The following SLC9C1 variants were observed in gnomAD, a reference collection of about 807,000 sequenced individuals.
SLC9C1 encodes solute carrier family 9 member C1.
SLC9C1 carries 97 observed loss-of-function variants against 140.9 expected under a neutral mutation model. The ratio of observed to expected loss-of-function variants is 0.69; its 90% CI spans 0.58 to 0.82. SLC9C1 has a LOEUF of 0.82. Ranked by LOEUF, SLC9C1 falls within the 40% of genes least tolerant of loss-of-function variation. The pLI is 0.00. For synonymous variants in SLC9C1, 440 were observed against 442.6 expected (o/e 0.99, Z 0.07); for missense variants, 1,340 against 1,389.3 (o/e 0.96, Z 0.56).
chr3:112,179,714 A>C lies in SLC9C1; in HGVS notation c.2749-13T>G. The C allele has an allele frequency of 1.9e-6, 3 of 1,565,182 alleles. No homozygotes were observed. The highest frequency in any genetic ancestry group is 2.6e-6 in the Non-Finnish European group (3 of 1,163,380). ...TTGATTTTTCAAGCTGTTCAGGAAC[A>C]AAGAAAGAGAAAAATACATATGCCA... On this transcript the variant is annotated splice_polypyrimidine_tract_variant and intron_variant, in intron 22 of 28. Transcript: ENST00000305815.
At chr3:112,172,526 T>TA (rs1179491959) in intron 23 of SLC9C1, among the ~76,000 whole-genome samples, 1 of 152,076 alleles carries the variant, frequency 6.6e-6, no homozygotes, top group Non-Finnish European at 1.5e-5. Context: ...TTGTAATTTT[T>TA]ATGTCAGTTT....
intron 15 of SLC9C1, among the ~76,000 whole-genome samples, chr3:112,210,857 G>GA (rs2078182005): frequency 1.3e-5 from 2 of 151,712 alleles, no homozygotes; most frequent in South Asian, 2.1e-4. Context: ...GTAAAGACAG[G>GA]AAAAAAACCC....
At chr3:112,180,453 G>A in intron 22 of SLC9C1, 111 bp downstream of exon 22, 1 of 709,260 alleles carries the variant, frequency 1.4e-6, no homozygotes, top group Non-Finnish European at 2.3e-6. Flanking sequence ...AACCCAGGAG[G>A]TGGAGGCTAC....
chr3:112,157,992 A>G (rs950145260), intron 26 of SLC9C1, among the ~76,000 whole-genome samples: 5 of 151,956 alleles, frequency 3.3e-5, no homozygotes, highest in East Asian at 1.9e-4. Context: ...TTCCTTTCCA[A>G]GTTGGATGCC....
chr3:112,206,380 G>C (rs574240207), intron 16 of SLC9C1, among the ~76,000 whole-genome samples: 6 of 152,228 alleles, frequency 3.9e-5, no homozygotes, highest in East Asian at 3.9e-4. Context: ...CATAGGAACA[G>C]TTTTACACTG....
intron 16 of SLC9C1, among the ~76,000 whole-genome samples, chr3:112,207,441 TGATGTCACAAAAGTA>T (rs1392760486): frequency 6.6e-6 from 1 of 152,218 alleles, no homozygotes; most frequent in Non-Finnish European, 1.5e-5. Flanking sequence ...GAATGACAGT[TGATGTCACAAAAGTA>T]GATGAGACAG....
Position 112,168,871 on chromosome 3 carries a change from C to T in SLC9C1, c.3237+6G>A, listed in dbSNP as rs1450838701. 6.4e-7 allele frequency: 1 copy of T among 1,572,702 alleles called. No homozygotes were observed. Among genetic ancestry groups the T allele is most frequent in the South Asian group, 1.2e-5 (1 of 82,022 alleles). ...GATCTGAAGACAGGAATCAATATTT[C>T]TTTACCTGATGGCATGTTATAGGAA... On this transcript the variant is annotated splice_donor_region_variant and intron_variant, in intron 25 of 28. Coordinates refer to ENST00000305815, the MANE Select transcript of SLC9C1 (RefSeq NM_183061.3).
At position 112,278,874 on chromosome 3, in the gene SLC9C1, A is replaced by AT; in HGVS notation, c.190-18dup. 6.3e-7 allele frequency: 1 copy of AT among 1,588,754 alleles called. No homozygotes were observed. Among genetic ancestry groups the AT allele is most frequent in the Non-Finnish European group, 8.5e-7 (1 of 1,171,140 alleles). On this transcript the variant is annotated splice_polypyrimidine_tract_variant and intron_variant, in intron 3 of 28. Coordinates refer to ENST00000305815, the MANE Select transcript of SLC9C1 (RefSeq NM_183061.3). The stretch of plus-strand genomic sequence containing the variant: ...TCTTTGGACCTAATATTATACAAAT[A>AT]TATCATCTTCTCATTTATTCATCAC...
intron 20 of SLC9C1, among the ~76,000 whole-genome samples, chr3:112,195,160 C>T (rs964893753): frequency 1.3e-5 from 2 of 152,042 alleles, no homozygotes; most frequent in East Asian, 3.8e-4. Context: ...TTTTATTTTG[C>T]TGCACGTGCC....
Position 112,278,779 on chromosome 3 carries a change from T to TAA in SLC9C1, c.266_267dup (p.Thr90LeufsTer21), listed in dbSNP as rs758537605. On this transcript the variant is annotated frameshift_variant, in exon 4 of 29. Transcript: ENST00000305815. LOFTEE classifies it high-confidence loss of function. ...TACGTATCCATGTCAAATGCAGTAG[T>TAA]AAAGAAAACTACTGGTGTAAATATA... 6.2e-7 allele frequency: 1 copy of TAA among 1,611,030 alleles called. No homozygotes were observed. Among genetic ancestry groups the TAA allele is most frequent in the Non-Finnish European group, 8.5e-7 (1 of 1,178,724 alleles).
chr3:112,216,031 G>A (rs1484061881), intron 15 of SLC9C1, among the ~76,000 whole-genome samples: 1 of 152,152 alleles, frequency 6.6e-6, no homozygotes, highest in African/African-American at 2.4e-5. Context: ...GAACAGAACA[G>A]AGCCCTCAGA....
At chr3:112,187,867 T>C (rs1232334868) in intron 20 of SLC9C1, among the ~76,000 whole-genome samples, 1 of 152,032 alleles carries the variant, frequency 6.6e-6, no homozygotes, top group Non-Finnish European at 1.5e-5. Context: ...AAAATGACCA[T>C]CTTATATATA....
chr3:112,231,156 TTCTTTC>T (rs376235497), intron 13 of SLC9C1, among the ~76,000 whole-genome samples, 199 bp downstream of exon 13: 30,250 of 150,696 alleles, frequency 0.2, 3,376 homozygotes, highest in Middle Eastern at 0.26. Flanking sequence ...CTTTCTTTCT[TTCTTTC>T]TCTTTCTTTC....
At chr3:112,211,029 C>G (rs1446901796) in intron 15 of SLC9C1, among the ~76,000 whole-genome samples, 1 of 151,964 alleles carries the variant, frequency 6.6e-6, no homozygotes, top group Non-Finnish European at 1.5e-5. Context: ...AGTTTGAAGG[C>G]TGATTTAGTA....
At chr3:112,158,278 A>T (rs1171758602) in intron 26 of SLC9C1, among the ~76,000 whole-genome samples, 1 of 152,076 alleles carries the variant, frequency 6.6e-6, no homozygotes, top group African/African-American at 2.4e-5. Flanking sequence ...TGAAATGATC[A>T]TAGGGTTTTC....
chr3:112,239,890 C>T lies in SLC9C1; in HGVS notation c.1396G>A (p.Ala466Thr). ...ALKFDKDLAN[A>T]DWNMIEKAIT... is the part of the protein sequence containing the mutation. ...GCTTTCTCAATCATGTTCCAATCAG[C>T]ATTAGCAAGATCTTTGTCAAATTTA... Residue 466 changes from alanine to threonine, a missense_variant, in exon 12 of 29, where the codon GCT becomes ACT. Coordinates refer to ENST00000305815, the MANE Select transcript of SLC9C1 (RefSeq NM_183061.3). 1 of 1,613,900 alleles carries T rather than the reference C, an allele frequency of 6.2e-7. No individual in the cohort carries two copies.
At chr3:112,215,954 T>C (rs1192213704) in intron 15 of SLC9C1, among the ~76,000 whole-genome samples, 3 of 152,198 alleles carry the variant, frequency 2.0e-5, no homozygotes, top group South Asian at 2.1e-4. Context: ...GACTTCAAAC[T>C]ATACTACAAG....
In SLC9C1 at chr3:112,217,599, AT is replaced by A. The variant is rs745970112; in HGVS notation, c.1671-39del. 2.6e-6 allele frequency: 4 copies of A among 1,528,868 alleles called. No homozygotes were observed. The East Asian group carries it at 6.9e-5, about 26-fold the overall frequency. 94.7% of individuals were successfully genotyped at this position (1,528,868 alleles called of 1,614,324 possible). A position where few individuals can be genotyped will look rare whatever the true frequency, so the allele number is the denominator to read the frequency against. ...AGAAATCTTTAAACATGCTTTAAAC[AT>A]TTTGAGATAAGTTTAATGTTGTACT... On this transcript the variant is annotated intron_variant, in intron 14 of 28. Transcript: ENST00000305815.
At chr3:112,214,828 A>G (rs56000821) in intron 15 of SLC9C1, among the ~76,000 whole-genome samples, 22,269 of 152,234 alleles carry the variant, frequency 0.15, 2,102 homozygotes, top group Middle Eastern at 0.22. Context: ...CAATCAATAG[A>G]AAAAGAGGGA....
Sources: gnomAD v4.1 joint callset for allele counts (sites outside exome capture counted in the v4.1 genomes callset) on GRCh38, gnomAD v4.1.1 for gene constraint, MANE v1.5 for transcripts, NCBI Gene and HGNC (gene_info 2026-07-23, HGNC 2026-07-21) for gene names.